Variants in TMEM232 observed in about 807,000 individuals in gnomAD.
TMEM232 encodes transmembrane protein 232.
A neutral mutation model predicts 78.8 loss-of-function variants in TMEM232; 80 were observed. That is an observed-to-expected ratio of 1.01 (90% CI 0.85 to 1.22). The LOEUF (loss-of-function observed/expected upper bound fraction) is 1.22. TMEM232 is among the 50% of genes most tolerant of loss of function. The pLI is 0.00. For synonymous variants in TMEM232, 297 were observed against 254.3 expected (o/e 1.17, Z -1.60); for missense variants, 881 against 742.2 (o/e 1.19, Z -2.17).
chr5:110,580,276 G>T (rs757380011), intron 10 of TMEM232, among the ~76,000 whole-genome samples: 4 of 151,672 alleles, frequency 2.6e-5, no homozygotes, highest in Non-Finnish European at 4.4e-5. Context: ...GTGACATTTA[G>T]CTGTTGTAAT....
intron 12 of TMEM232, among the ~76,000 whole-genome samples, chr5:110,485,236 A>T (rs1015985533): frequency 6.6e-6 from 1 of 152,176 alleles, no homozygotes; most frequent in African/African-American, 2.4e-5. Context: ...GACTTGAAAA[A>T]TACCTACTAG....
chr5:110,467,005 T>C (rs1027240538), intron 12 of TMEM232, among the ~76,000 whole-genome samples: 9 of 151,868 alleles, frequency 5.9e-5, no homozygotes, highest in South Asian at 2.1e-4. Context: ...CTAAGGTTGA[T>C]AGAAAAAGGG....
chr5:110,455,735 A>G (rs1760831271), intron 12 of TMEM232, among the ~76,000 whole-genome samples: 1 of 152,166 alleles, frequency 6.6e-6, no homozygotes, highest in Non-Finnish European at 1.5e-5. Flanking sequence ...TAATATATTA[A>G]CACAAAAAGG....
intron 11 of TMEM232, among the ~76,000 whole-genome samples, chr5:110,548,410 T>C (rs1332342292): frequency 6.7e-6 from 1 of 149,970 alleles, no homozygotes; most frequent in East Asian, 1.9e-4. Flanking sequence ...TTATAAGACA[T>C]TTTCATGGTC....
chr5:110,594,558 T>C (rs758877283), intron 10 of TMEM232, among the ~76,000 whole-genome samples: 1 of 152,158 alleles, frequency 6.6e-6, no homozygotes, highest in East Asian at 1.9e-4. Context: ...AACTACTGTC[T>C]TGAAATTCTT....
At chr5:110,669,782 C>T (rs1791114792) in intron 1 of TMEM232, among the ~76,000 whole-genome samples, 1 of 152,184 alleles carries the variant, frequency 6.6e-6, no homozygotes, top group Non-Finnish European at 1.5e-5. Flanking sequence ...GCTTATCCAC[C>T]ATGATCAAGT....
intron 12 of TMEM232, among the ~76,000 whole-genome samples, chr5:110,468,389 T>C (rs1762323200): frequency 6.6e-6 from 1 of 152,040 alleles, no homozygotes; most frequent in South Asian, 2.1e-4. Flanking sequence ...TTGAAACTAT[T>C]TTAAACTGAG....
upstream of TMEM232, among the ~76,000 whole-genome samples, chr5:110,731,647 G>A (rs949732011): frequency 6.6e-6 from 1 of 152,218 alleles, no homozygotes. Flanking sequence ...TTCAGCCATG[G>A]CCGGAGCAGC....
chr5:110,710,091 G>C (rs1396801311), intron 1 of TMEM232, among the ~76,000 whole-genome samples: 1 of 151,918 alleles, frequency 6.6e-6, no homozygotes, highest in African/African-American at 2.4e-5. Flanking sequence ...CATTGCAATA[G>C]ATACCGCAGA....
At chr5:110,391,326 T>TGTGTGTGTGTGAGAGAGA (rs549361387) in intron 3 of TMEM232, among the ~76,000 whole-genome samples, 184 of 139,912 alleles carry the variant, frequency 1.3e-3, no homozygotes, top group African/African-American at 5.1e-3. Context: ...TGTGTGTGTG[T>TGTGTGTGTGTGAGAGAGA]GAGAGAGAGA....
chr5:110,621,398 A>G (rs1783729620), intron 7 of TMEM232, among the ~76,000 whole-genome samples: 1 of 152,082 alleles, frequency 6.6e-6, no homozygotes, highest in African/African-American at 2.4e-5. Context: ...GCAAACTGTT[A>G]ATTAGAGCAC....
In TMEM232 at chr5:110,667,369, A is replaced by C. The variant is rs1379585707; in HGVS notation, c.-12-5T>G. ...CATATTCATAAATCATAAATTCTAA[A>C]AGGAATATTAAATGTATGTTAGCAT... is the stretch of plus-strand genomic sequence containing the variant. On this transcript the variant is annotated splice_polypyrimidine_tract_variant and splice_region_variant and intron_variant, in intron 1 of 13. Transcript: ENST00000455884. 6.7e-7 allele frequency: 1 copy of C among 1,485,622 alleles called. No individual in the cohort carries two copies. Among genetic ancestry groups the C allele is most frequent in the Non-Finnish European group, 9.0e-7 (1 of 1,110,810 alleles). The allele number at this position is 1,485,622 out of a possible 1,614,324, so 92.0% of individuals were successfully genotyped here.
intron 12 of TMEM232, among the ~76,000 whole-genome samples, chr5:110,493,062 TATA>T (rs1765279883): frequency 1.3e-5 from 2 of 151,936 alleles, no homozygotes; most frequent in Admixed American, 6.6e-5. Flanking sequence ...CTAAATTTTT[TATA>T]ATGACAATTT....
intron 2 of TMEM232, among the ~76,000 whole-genome samples, chr5:110,659,771 A>G (rs764999745): frequency 2.6e-5 from 4 of 152,214 alleles, no homozygotes; most frequent in Non-Finnish European, 5.9e-5. Context: ...AATAGAATGT[A>G]AGATATAATT....
intron 1 of TMEM232, among the ~76,000 whole-genome samples, chr5:110,687,320 G>A (rs1043417270): frequency 3.3e-5 from 5 of 152,108 alleles, no homozygotes; most frequent in African/African-American, 1.2e-4. Flanking sequence ...GCTAATTGGA[G>A]CATATATTCA....
At chr5:110,645,581 T>C (rs941343610) in intron 2 of TMEM232, among the ~76,000 whole-genome samples, 2 of 151,302 alleles carry the variant, frequency 1.3e-5, no homozygotes, top group African/African-American at 4.8e-5. Context: ...CTTTACAGAA[T>C]AAAGACCATC....
At chr5:110,479,729 T>G (rs1376523873) in intron 12 of TMEM232, among the ~76,000 whole-genome samples, 1 of 151,788 alleles carries the variant, frequency 6.6e-6, no homozygotes, top group East Asian at 1.9e-4. Flanking sequence ...TGGTGGTTAT[T>G]CATTAAATGC....
chr5:110,441,828 T>C (rs1422132722), intron 12 of TMEM232, among the ~76,000 whole-genome samples: 7 of 152,184 alleles, frequency 4.6e-5, no homozygotes, highest in Admixed American at 4.6e-4. Context: ...CCAGTTTTAC[T>C]GGGATGGTCC....
At chr5:110,599,070 T>C (rs927042976) in intron 10 of TMEM232, among the ~76,000 whole-genome samples, 4 of 151,858 alleles carry the variant, frequency 2.6e-5, no homozygotes, top group African/African-American at 9.7e-5. Flanking sequence ...CCAAACTAAT[T>C]TGCTTCATAA....
Sources: allele counts gnomAD v4.1 joint callset (sites outside exome capture counted in the v4.1 genomes callset), GRCh38; gene constraint gnomAD v4.1.1; transcripts MANE v1.5; gene names NCBI Gene and HGNC (gene_info 2026-07-23, HGNC 2026-07-21).